The following UCK2 variants were observed in gnomAD, a reference collection of about 807,000 sequenced individuals.
UCK2 encodes uridine-cytidine kinase 2.
A neutral mutation model predicts 30.8 loss-of-function variants in UCK2; 6 were observed. The observed-to-expected ratio is 0.19, with a 90% CI of 0.11 to 0.38. UCK2 has a LOEUF of 0.38. UCK2 is among the 10% of genes least tolerant of loss of function. The pLI is 1.00. For missense variants in UCK2, 210 were observed against 339.8 expected (o/e 0.62, Z 3.00); for synonymous variants, 125 against 133.6 (o/e 0.94, Z 0.45).
chr1:165,884,283 G>C (rs1321343292), intron 1 of UCK2, among the ~76,000 whole-genome samples: 3 of 152,254 alleles, frequency 2.0e-5, no homozygotes, highest in African/African-American at 7.2e-5. Flanking sequence ...CAATCAGTGT[G>C]CCTCAACCTG....
chr1:165,830,333 T>A lies in UCK2; in HGVS notation c.99+2401T>A, dbSNP rs545484938. Reference sequence around the variant, plus strand: ...TTTAATCTTTATTTTTTTTATTATTTTTTTTTTTTGAGACAGAGTCTTGCT... The same window carrying A: ...TTTAATCTTTATTTTTTTTATTATTATTTTTTTTTGAGACAGAGTCTTGCT... On this transcript the variant is annotated intron_variant, in intron 1 of 6. Coordinates refer to ENST00000367879, the MANE Select transcript of UCK2 (RefSeq NM_012474.5). 8.6e-3 allele frequency among the ~76,000 whole-genome samples: 1,249 copies of A among 145,904 alleles called. 18 individuals carry two copies. The highest frequency in any genetic ancestry group is 0.025 in the African/African-American group (1,003 of 39,392).
At chr1:165,901,790 A>G (rs1647475736) in intron 4 of UCK2, among the ~76,000 whole-genome samples, 1 of 152,134 alleles carries the variant, frequency 6.6e-6, no homozygotes, top group Non-Finnish European at 1.5e-5. Flanking sequence ...AATGAGGGTG[A>G]TCAGTCTTCT....
intron 1 of UCK2, among the ~76,000 whole-genome samples, chr1:165,883,517 C>G (rs1031342800): frequency 2.6e-5 from 4 of 152,168 alleles, no homozygotes; most frequent in Admixed American, 6.5e-5. Flanking sequence ...ACTATTGGTC[C>G]TTGTGCTCCA....
At chr1:165,835,929 A>G (rs1654177580) in intron 1 of UCK2, among the ~76,000 whole-genome samples, 1 of 152,204 alleles carries the variant, frequency 6.6e-6, no homozygotes, top group African/African-American at 2.4e-5. Flanking sequence ...TATAAAATTC[A>G]TCAAAACAAA....
intron 1 of UCK2, among the ~76,000 whole-genome samples, chr1:165,865,726 C>T (rs955336449): frequency 4.6e-5 from 7 of 152,102 alleles, no homozygotes; most frequent in South Asian, 2.1e-4. Flanking sequence ...GAACATGCCC[C>T]GATCACCAGC....
chr1:165,897,555 G>A (rs1322699351), intron 4 of UCK2, among the ~76,000 whole-genome samples: 1 of 152,178 alleles, frequency 6.6e-6, no homozygotes, highest in Non-Finnish European at 1.5e-5. Flanking sequence ...AGGAAATGAC[G>A]AGGTTAGCTC....
At position 165,905,933 on chromosome 1, in the gene UCK2, G is replaced by A; in HGVS notation, c.610G>A (p.Ala204Thr). 6.2e-7 allele frequency: 1 copy of A among 1,613,992 alleles called. No homozygotes were observed. The highest frequency in any genetic ancestry group is 1.7e-4 in the Middle Eastern group (1 of 6,048). The change falls in exon 6 of 7, where the codon GCT becomes ACT. Residue 204 changes from alanine to threonine, a missense_variant. This residue lies in a region of UCK2 where 47 missense variants were observed against 128.7 expected (regional missense o/e 0.37). Coordinates refer to ENST00000367879, the MANE Select transcript of UCK2 (RefSeq NM_012474.5). Reference sequence around the variant, plus strand: ...TCTTTCTCCACAGACAAAGAAGTATGCTGATGTGATCATCCCTAGAGGTGC... The same window carrying A: ...TCTTTCTCCACAGACAAAGAAGTATACTGATGTGATCATCCCTAGAGGTGC... ...EEFCLPTKKYADVIIPRGADN... is the reference protein window; with the variant it reads ...EEFCLPTKKYTDVIIPRGADN...
At chr1:165,831,735 C>T (rs971930737) in intron 1 of UCK2, among the ~76,000 whole-genome samples, 1 of 152,170 alleles carries the variant, frequency 6.6e-6, no homozygotes, top group African/African-American at 2.4e-5. Flanking sequence ...CCCTTGGCCC[C>T]TAATATGGTC....
rs11553301 is a variant in UCK2 at position 165,896,241 on chromosome 1, G to A, written c.408G>A (p.Gly136=). The change falls in exon 4 of 7, where the codon GGG becomes GGA. Residue 136 remains glycine (G), a synonymous_variant. Coordinates refer to ENST00000367879, the MANE Select transcript of UCK2 (RefSeq NM_012474.5). ...CCGCAGACGTGGTGCTCTTTGAAGG[G>A]ATCCTGGCCTTCTACTCCCAGGAGG... is the stretch of plus-strand genomic sequence containing the variant. The part of the protein sequence containing the change: ...VYPADVVLFE[G]ILAFYSQEVR... 241,760 of 1,614,066 alleles carry A rather than the reference G, an allele frequency of 0.15. 18,960 individuals are homozygous for A. Among genetic ancestry groups the A allele is most frequent in the Non-Finnish European group, 0.16 (190,093 of 1,179,958 alleles).
In UCK2 at chr1:165,827,812, G is replaced by A. The variant is rs1557828965; in HGVS notation, c.-22G>A. The A allele has an allele frequency of 1.4e-6, 2 of 1,402,760 alleles. No individual in the cohort carries two copies. Among genetic ancestry groups the A allele is most frequent in the Admixed American group, 2.7e-5 (1 of 36,810 alleles). 86.9% of individuals were successfully genotyped at this position (1,402,760 alleles called of 1,614,324 possible). A position where few individuals can be genotyped will look rare whatever the true frequency, so the allele number is the denominator to read the frequency against. On this transcript the variant is annotated 5_prime_UTR_variant, in exon 1 of 7. Coordinates refer to ENST00000367879, the MANE Select transcript of UCK2 (RefSeq NM_012474.5). ...GCGTGCGTCCGTTCGCACAGGCAGC[G>A]GGAGGAGGGGCGGCGCGAACCATGG...
intron 1 of UCK2, among the ~76,000 whole-genome samples, chr1:165,889,149 G>A (rs1428372412): frequency 6.6e-6 from 1 of 152,186 alleles, no homozygotes; most frequent in Non-Finnish European, 1.5e-5. Flanking sequence ...GGTGGTGTTT[G>A]TGTTCCTTGT....
chr1:165,850,785 AT>A (rs1008405564), intron 1 of UCK2, among the ~76,000 whole-genome samples: 7 of 147,046 alleles, frequency 4.8e-5, no homozygotes, highest in Non-Finnish European at 4.5e-5. Context: ...CACCCAGCTA[AT>A]TTTTTTTTTG....
chr1:165,886,751 T>G (rs1057372259), intron 1 of UCK2, among the ~76,000 whole-genome samples: 2 of 152,058 alleles, frequency 1.3e-5, no homozygotes, highest in African/African-American at 4.8e-5. Context: ...CAGGGCAGAG[T>G]AGAGTCTCTT....
chr1:165,903,671 G>T (rs1364674404), intron 5 of UCK2, among the ~76,000 whole-genome samples: 1 of 152,148 alleles, frequency 6.6e-6, no homozygotes, highest in African/African-American at 2.4e-5. Flanking sequence ...GGATGCACTG[G>T]GTGCTGTGCC....
intron 1 of UCK2, among the ~76,000 whole-genome samples, chr1:165,883,951 C>T (rs1655558666): frequency 6.6e-6 from 1 of 152,154 alleles, no homozygotes; most frequent in African/African-American, 2.4e-5. Flanking sequence ...ATTACTGGTG[C>T]TTTGGTTTTC....
At chr1:165,905,841 T>G in intron 5 of UCK2, 80 bp from the exon 6 acceptor site, 1 of 1,338,222 alleles carries the variant, frequency 7.5e-7, no homozygotes, top group East Asian at 2.3e-5. Context: ...TGCTGCCCTT[T>G]CCCCATATTC....
chr1:165,869,903 A>G (rs1306710140), intron 1 of UCK2, among the ~76,000 whole-genome samples: 1 of 152,042 alleles, frequency 6.6e-6, no homozygotes, highest in African/African-American at 2.4e-5. Flanking sequence ...TTCCCAAAGC[A>G]CAGGAATTAT....
At chr1:165,832,022 G>A (rs1375790503) in intron 1 of UCK2, among the ~76,000 whole-genome samples, 1 of 152,190 alleles carries the variant, frequency 6.6e-6, no homozygotes, top group African/African-American at 2.4e-5. Context: ...GCCTGCCTTG[G>A]CCTCCCGAAG....
chr1:165,861,882 G>C (rs79559123), intron 1 of UCK2, among the ~76,000 whole-genome samples: 1,872 of 152,154 alleles, frequency 0.012, 50 homozygotes, highest in African/African-American at 0.043. Context: ...CAAAATACAC[G>C]CAGATTTCAT....
Sources: allele counts gnomAD v4.1 joint callset (sites outside exome capture counted in the v4.1 genomes callset), GRCh38; gene constraint gnomAD v4.1.1; regional missense constraint gnomAD v4.1.1; transcripts MANE v1.5; gene names NCBI Gene and HGNC (gene_info 2026-07-23, HGNC 2026-07-21).